Variants in SLC12A2 observed in about 807,000 individuals in gnomAD.
SLC12A2 encodes the protein Na-K-2Cl cotransporter 1.
Under a neutral mutation model 136.3 loss-of-function variants are expected in SLC12A2, and 67 were observed. That is an observed-to-expected ratio of 0.49 (90% confidence interval 0.40 to 0.60). The LOEUF (loss-of-function observed/expected upper bound fraction) is 0.60, where lower values mean the gene tolerates loss of function less well. Ranked by LOEUF, SLC12A2 falls within the 20% of genes least tolerant of loss-of-function variation. The pLI, the probability that SLC12A2 is intolerant of heterozygous loss-of-function variation, is 0.00. For synonymous variants in SLC12A2, 619 were observed against 562.9 expected (o/e 1.10, Z -1.41); for missense variants, 1,322 against 1,534.7 (o/e 0.86, Z 2.32).
chr5:128,145,055 T>C (rs1561685297), intron 10 of SLC12A2, among the ~76,000 whole-genome samples: 1 of 152,096 alleles, frequency 6.6e-6, no homozygotes, highest in Admixed American at 6.6e-5. Flanking sequence ...TGTTGAGAAG[T>C]GCAGAGGTTA....
rs1759930298 is a variant in SLC12A2, at chr5:128,084,019, C to T, written c.65C>T (p.Pro22Leu). The T allele has an allele frequency of 2.0e-5, 25 of 1,256,566 alleles. No individual in the cohort carries two copies. The highest frequency in any genetic ancestry group is 3.0e-5 in the South Asian group (1 of 33,314). The allele number at this position is 1,256,566 out of a possible 1,614,324, so 77.8% of individuals were successfully genotyped here. The part of the protein sequence containing the change: ...APGLAGVGET[P>L]SAAALAAARV... Reference sequence around the variant, plus strand: ...GGACTGGCCGGGGTCGGGGAGACGCCGTCAGCCGCTGCGCTGGCCGCAGCC... The same window carrying T: ...GGACTGGCCGGGGTCGGGGAGACGCTGTCAGCCGCTGCGCTGGCCGCAGCC... Residue 22 changes from proline (P) to leucine (L), a missense_variant, in exon 1 of 27, where the codon CCG (proline) becomes CTG (leucine). Physicochemically the swap from Pro to Leu is moderately conservative, Grantham distance 98. Around this residue, in one of 8 missense-constraint regions of SLC12A2, gnomAD observed 358 missense variants for 299.7 expected, o/e 1.19. Transcript: ENST00000262461. The surrounding 1 kb of genome is among the most constrained non-coding windows in gnomAD (Gnocchi z 5.6).
At chr5:128,154,379 T>C (rs1192804898) in intron 15 of SLC12A2, among the ~76,000 whole-genome samples, 1 of 151,238 alleles carries the variant, frequency 6.6e-6, no homozygotes, top group African/African-American at 2.4e-5. Flanking sequence ...ATTGTACCAC[T>C]ACATGCTAGC....
At chr5:128,102,317 G>A (rs1760765893) in intron 1 of SLC12A2, among the ~76,000 whole-genome samples, 1 of 151,762 alleles carries the variant, frequency 6.6e-6, no homozygotes, top group African/African-American at 2.4e-5. Context: ...GAATGTTGCT[G>A]GCACCCTAGA....
rs778539930 is a variant in SLC12A2, at chr5:128,084,662, G to C, written c.708G>C (p.Glu236Asp). The change falls in exon 1 of 27, where the codon GAG (glutamate) becomes GAC (aspartate). Residue 236 changes from glutamate (E) to aspartate (D), a missense_variant. Physicochemically the swap from Glu to Asp is conservative, Grantham distance 45. This residue lies in a region of SLC12A2 where 32 missense variants were observed against 63.6 expected (regional missense o/e 0.50). Transcript: ENST00000262461. This position sits in a 1 kb window ranked among gnomAD's most constrained non-coding sequence, Gnocchi z 5.6. Reference sequence around the variant, plus strand: ...GGCACACAGCCGCGCAGCTGGGCGAGAAGCTGCTCCGGCCTAGCCTGGCGG... The same window carrying C: ...GGCACACAGCCGCGCAGCTGGGCGACAAGCTGCTCCGGCCTAGCCTGGCGG... ...HYRHTAAQLG[E>D]KLLRPSLAEL... is the part of the protein sequence containing the mutation. 6 of 1,612,260 alleles carry C rather than the reference G, an allele frequency of 3.7e-6. No individual in the cohort carries two copies. The highest frequency in any genetic ancestry group is 5.1e-6 in the Non-Finnish European group (6 of 1,179,478).
rs577066040 is a variant in SLC12A2, at chr5:128,117,779, C to T, written c.1048+3098C>T. On this transcript the variant is annotated intron_variant, in intron 4 of 26. Transcript: ENST00000262461. ...AAAAGAAATAATCAGCCAGAGTAAA[C>T]AGACAACCCACAGAGTAGGAGAAAA... 1.6e-4 allele frequency among the ~76,000 whole-genome samples: 24 copies of T among 152,222 alleles called. No individual in the cohort carries two copies. The South Asian group carries it at 4.8e-3, about 30-fold the overall frequency.
At position 128,171,731 on chromosome 5, in the gene SLC12A2, C is replaced by T; in HGVS notation, c.2788C>T (p.His930Tyr). ...CCTAAAAGAAGGTCTGGATATATCT[C>T]ATCTTCAAGGACAAGGTAAATTTTG... ...IRLKEGLDIS[H>Y]LQGQEELLSS... The change falls in exon 19 of 27, where the codon CAT becomes TAT. Residue 930 changes from histidine (H) to tyrosine (Y), a missense_variant. Around this residue, in one of 8 missense-constraint regions of SLC12A2, gnomAD observed 226 missense variants for 210.4 expected, o/e 1.07. Coordinates refer to ENST00000262461, the MANE Select transcript of SLC12A2 (RefSeq NM_001046.3). 6.4e-7 allele frequency: 1 copy of T among 1,574,558 alleles called. No individual in the cohort carries two copies. Among genetic ancestry groups the T allele is most frequent in the Non-Finnish European group, 8.6e-7 (1 of 1,163,784 alleles).
Position 128,135,805 on chromosome 5 carries a change from A to G in SLC12A2, c.1405A>G (p.Lys469Glu), listed in dbSNP as rs752295596. 2 of 1,528,904 alleles carry G rather than the reference A, an allele frequency of 1.3e-6. No homozygotes were observed. Among genetic ancestry groups the G allele is most frequent in the Non-Finnish European group, 1.8e-6 (2 of 1,106,538 alleles). 94.7% of individuals were successfully genotyped at this position (1,528,904 alleles called of 1,614,324 possible). A position where few individuals can be genotyped will look rare whatever the true frequency, so the allele number is the denominator to read the frequency against. ...GAAGCCAAAAGGGTTTTTTGGTTAT[A>G]AATGTAAGTAAAAAAGATTCAATAT... The part of the protein sequence containing the change: ...SKKPKGFFGY[K>E]SEIFNENFGP... The change falls in exon 7 of 27, where the codon AAA becomes GAA. Residue 469 changes from lysine to glutamate, a missense_variant. Physicochemically the swap from Lys to Glu is moderately conservative, Grantham distance 56 (BLOSUM62 1). This residue lies in a region of SLC12A2 where 110 missense variants were observed against 114.5 expected (regional missense o/e 0.96). Coordinates refer to ENST00000262461, the MANE Select transcript of SLC12A2 (RefSeq NM_001046.3).
At chr5:128,118,586 G>T (rs1204849512) in intron 4 of SLC12A2, among the ~76,000 whole-genome samples, 1 of 152,142 alleles carries the variant, frequency 6.6e-6, no homozygotes, top group Non-Finnish European at 1.5e-5. Context: ...TGGGAGGTGG[G>T]TGAGGGATAA....
At chr5:128,165,263 T>A (rs928556377) in intron 17 of SLC12A2, among the ~76,000 whole-genome samples, 4 of 152,214 alleles carry the variant, frequency 2.6e-5, no homozygotes, top group African/African-American at 9.6e-5. Context: ...TATTTCCTTT[T>A]CCCTTTAAAT....
At chr5:128,147,592 A>AT (rs1304516687) in intron 10 of SLC12A2, 30 bp from the exon 11 acceptor site, 1 of 1,399,590 alleles carries the variant, frequency 7.1e-7, no homozygotes, top group Non-Finnish European at 1.0e-6. Flanking sequence ...TGTGAGATTT[A>AT]TTTTTCCATT....
At chr5:128,154,401 C>T (rs758579568) in intron 15 of SLC12A2, among the ~76,000 whole-genome samples, 10 of 150,662 alleles carry the variant, frequency 6.6e-5, no homozygotes, top group East Asian at 1.9e-4. Context: ...TGGGCAACAG[C>T]GAGACCCTGT....
At chr5:128,160,748 C>G (rs1763010046) in intron 16 of SLC12A2, among the ~76,000 whole-genome samples, 1 of 152,014 alleles carries the variant, frequency 6.6e-6, no homozygotes, top group South Asian at 2.1e-4. Flanking sequence ...TGTTCTTCAT[C>G]TTGTCTTGAT....
At chr5:128,110,732 T>G in intron 1 of SLC12A2, 1 of 1,456,418 alleles carries the variant, frequency 6.9e-7, no homozygotes, top group South Asian at 1.1e-5. Context: ...AAGAGCAACC[T>G]GAGCGATCTG....
At chr5:128,108,565 G>A (rs1761029712) in intron 1 of SLC12A2, among the ~76,000 whole-genome samples, 1 of 152,190 alleles carries the variant, frequency 6.6e-6, no homozygotes, top group Admixed American at 6.5e-5. Context: ...TCTTGTGTGA[G>A]TCCATTTATA....
At chr5:128,171,642 T>C in intron 18 of SLC12A2, 25 bp from the exon 19 acceptor site, 2 of 1,519,108 alleles carry the variant, frequency 1.3e-6, no homozygotes, top group Non-Finnish European at 1.8e-6. Flanking sequence ...TTTGGTTTTT[T>C]CATTTTTTGT....
At chr5:128,105,783 A>AT in intron 1 of SLC12A2, among the ~76,000 whole-genome samples, 1 of 152,054 alleles carries the variant, frequency 6.6e-6, no homozygotes, top group East Asian at 1.9e-4. Context: ...TTTTTTGTCT[A>AT]TTTTCTACAT....
chr5:128,100,254 T>C (rs1760699573), intron 1 of SLC12A2, among the ~76,000 whole-genome samples: 1 of 152,150 alleles, frequency 6.6e-6, no homozygotes, highest in Non-Finnish European at 1.5e-5. Context: ...GATTTAACTC[T>C]TGGCATTTCT....
intron 4 of SLC12A2, among the ~76,000 whole-genome samples, chr5:128,122,110 C>T (rs1761605020): frequency 6.6e-6 from 1 of 152,198 alleles, no homozygotes. Context: ...AAAGTTTCCT[C>T]AACCACTTTT....
chr5:128,116,420 T>A (rs1761354820), intron 4 of SLC12A2, among the ~76,000 whole-genome samples: 1 of 140,874 alleles, frequency 7.1e-6, no homozygotes, highest in Admixed American at 7.7e-5. Context: ...TATATATATC[T>A]CTTTACAAAT....
Sources: gnomAD v4.1 joint callset for allele counts (sites outside exome capture counted in the v4.1 genomes callset) on GRCh38, gnomAD v4.1.1 for gene constraint, gnomAD v4.1.1 regional missense constraint, Gnocchi (gnomAD v3.1) non-coding constraint, MANE v1.5 for transcripts, NCBI Gene and HGNC (gene_info 2026-07-23, HGNC 2026-07-21) for gene names.